Variants in SOX5 observed in about 807,000 individuals in gnomAD.
SOX5 encodes transcription factor SOX-5.
In SOX5, 9 loss-of-function variants were observed where a neutral mutation model predicts 92.0. That is an observed-to-expected ratio of 0.10 (90% confidence interval 0.06 to 0.17). The LOEUF is 0.17. SOX5 is among the 10% of genes least tolerant of loss of function. The probability of loss-of-function intolerance (pLI) is 1.00; values close to 1 mark genes in which losing one functional copy is unlikely to be tolerated. For synonymous variants in SOX5, 344 were observed against 336.3 expected (o/e 1.02, Z -0.25); for missense variants, 642 against 944.5 (o/e 0.68, Z 4.20).
At chr12:23,835,046 A>G (rs1177363572) in intron 3 of SOX5, among the ~76,000 whole-genome samples, 1 of 151,918 alleles carries the variant, frequency 6.6e-6, no homozygotes, top group East Asian at 1.9e-4. Flanking sequence ...AATGAAAATC[A>G]AGTTTAAATC....
intron 2 of SOX5, among the ~76,000 whole-genome samples, chr12:24,336,992 G>A (rs1951990961): frequency 6.6e-6 from 1 of 152,186 alleles, no homozygotes; most frequent in Admixed American, 6.5e-5. Context: ...TTGTGCAGTA[G>A]AAGTTTAAGA....
At chr12:23,621,479 G>A (rs1460293970) in intron 8 of SOX5, among the ~76,000 whole-genome samples, 3 of 152,032 alleles carry the variant, frequency 2.0e-5, no homozygotes, top group Non-Finnish European at 4.4e-5. Context: ...TTAAAAAAGT[G>A]CATGATTAAG....
chr12:24,496,725 T>C (rs773601612), intron 1 of SOX5, among the ~76,000 whole-genome samples: 1 of 152,196 alleles, frequency 6.6e-6, no homozygotes, highest in Non-Finnish European at 1.5e-5. Flanking sequence ...TGTTTTCCAA[T>C]CCAAGATTTC....
At chr12:23,666,792 C>T (rs931508817) in intron 6 of SOX5, among the ~76,000 whole-genome samples, 3 of 151,976 alleles carry the variant, frequency 2.0e-5, no homozygotes, top group East Asian at 1.9e-4. Flanking sequence ...GGGATGATGG[C>T]GGTGAAAAAA....
Position 24,498,290 on chromosome 12 carries a change from A to G in SOX5, c.-251+64039T>C, listed in dbSNP as rs531505325. ...TCACCCTTTTACTGGTGTGGAAACA[A>G]AAGCTAAGAAAGATTAAGTAACTTT... On this transcript the variant is annotated intron_variant, in intron 1 of 4. Coordinates refer to the SOX5 transcript ENST00000446891. 1.1e-4 allele frequency among the ~76,000 whole-genome samples: 17 copies of G among 152,322 alleles called. No homozygotes were observed. In the South Asian group the frequency reaches 2.9e-3, roughly 26 times the overall value.
intron 2 of SOX5, among the ~76,000 whole-genome samples, chr12:24,290,376 G>A (rs904449961): frequency 1.3e-5 from 2 of 152,158 alleles, no homozygotes; most frequent in Non-Finnish European, 2.9e-5. Flanking sequence ...AGTAATAATA[G>A]TCAGCATTAA....
chr12:24,341,513 TCTTTA>T (rs1952575310), intron 2 of SOX5, among the ~76,000 whole-genome samples: 1 of 152,248 alleles, frequency 6.6e-6, no homozygotes, highest in South Asian at 2.1e-4. Flanking sequence ...CTTTATTGAT[TCTTTA>T]CTTTTATAAT....
At chr12:23,686,459 A>C (rs1377788999) in intron 6 of SOX5, among the ~76,000 whole-genome samples, 2 of 152,210 alleles carry the variant, frequency 1.3e-5, no homozygotes, top group Admixed American at 6.5e-5. Flanking sequence ...CCAACTAAAA[A>C]CTGAAACAAA....
At chr12:23,555,174 T>A (rs370310566) in intron 11 of SOX5, among the ~76,000 whole-genome samples, 3 of 152,212 alleles carry the variant, frequency 2.0e-5, no homozygotes, top group Admixed American at 6.5e-5. Context: ...CTTTTATCTA[T>A]GCATTATGGA....
At chr12:24,555,817 T>G (rs1953719367) in intron 1 of SOX5, among the ~76,000 whole-genome samples, 1 of 152,202 alleles carries the variant, frequency 6.6e-6, no homozygotes, top group African/African-American at 2.4e-5. Flanking sequence ...GAAGTACTAC[T>G]AAACTGGGCT....
At chr12:24,011,188 T>C (rs1345131657) in intron 4 of SOX5, among the ~76,000 whole-genome samples, 1 of 152,136 alleles carries the variant, frequency 6.6e-6, no homozygotes, top group African/African-American at 2.4e-5. Flanking sequence ...GAATTGCTTA[T>C]TTGCAGATTA....
At position 23,600,552 on chromosome 12, in the gene SOX5, TACAC is replaced by T. The variant is rs147903206; in HGVS notation, c.1164+3831_1164+3834del. On this transcript the variant is annotated intron_variant, in intron 9 of 14. Coordinates refer to ENST00000451604, the MANE Select transcript of SOX5 (RefSeq NM_006940.6). ...ATATATATATATATATATATATATATACACATACTTGGCTTGGGACTAAAAAAAC... is the reference window on the plus strand; with the variant it reads ...ATATATATATATATATATATATATATATACTTGGCTTGGGACTAAAAAAAC... Among the ~76,000 whole-genome samples the T allele has an allele frequency of 1.6e-3, 152 of 95,268 alleles. 12 individuals are homozygous for T. The highest frequency in any genetic ancestry group is 0.014 in the Middle Eastern group (2 of 144). The allele number at this position is 95,268 out of a possible 152,430, so 62.5% of individuals were successfully genotyped here. A position where few individuals can be genotyped will look rare whatever the true frequency, so the allele number is the denominator to read the frequency against.
At chr12:23,918,153 T>TA (rs2097437321) in intron 1 of SOX5, among the ~76,000 whole-genome samples, 1 of 152,228 alleles carries the variant, frequency 6.6e-6, no homozygotes. Flanking sequence ...TGTAGACAGA[T>TA]ACATGAGAAT....
chr12:24,195,139 G>GGAA (rs1555169306), intron 4 of SOX5, among the ~76,000 whole-genome samples: 1 of 142,908 alleles, frequency 7.0e-6, no homozygotes, highest in South Asian at 2.2e-4. Flanking sequence ...AATTGTTTGG[G>GGAA]AAAAAAAAAA....
At chr12:24,317,960 C>T (rs149973010) in intron 2 of SOX5, among the ~76,000 whole-genome samples, 3 of 152,208 alleles carry the variant, frequency 2.0e-5, no homozygotes, top group Non-Finnish European at 2.9e-5. Context: ...CCTGTAATCC[C>T]GGCACTTTGG....
intron 3 of SOX5, among the ~76,000 whole-genome samples, chr12:23,815,986 CTT>C (rs1326360533): frequency 6.6e-6 from 1 of 152,080 alleles, no homozygotes; most frequent in Non-Finnish European, 1.5e-5. Context: ...TCCAATAAAA[CTT>C]TATTTATAGG....
chr12:23,688,592 C>T (rs2088100969), intron 6 of SOX5, among the ~76,000 whole-genome samples: 1 of 152,002 alleles, frequency 6.6e-6, no homozygotes, highest in Admixed American at 6.6e-5. Context: ...ACATTCTATA[C>T]CTCTCTCTAT....
chr12:24,425,057 A>G (rs906573), intron 1 of SOX5, among the ~76,000 whole-genome samples: 151,541 of 152,292 alleles, frequency 1, 75,401 homozygotes, highest in East Asian at 1. Flanking sequence ...TTAAGAGACT[A>G]CAGAGCCATA....
intron 4 of SOX5, among the ~76,000 whole-genome samples, chr12:24,141,695 T>C (rs1950598098): frequency 7.1e-6 from 1 of 141,052 alleles, no homozygotes; most frequent in Non-Finnish European, 1.6e-5. Context: ...TCAAATGCTA[T>C]AAATTGGTTT....
Sources: gnomAD v4.1 joint callset for allele counts (sites outside exome capture counted in the v4.1 genomes callset) on GRCh38, gnomAD v4.1.1 for gene constraint, MANE v1.5 for transcripts, NCBI Gene and HGNC (gene_info 2026-07-23, HGNC 2026-07-21) for gene names.